The following SLC30A6 variants were observed in gnomAD, a reference collection of about 807,000 sequenced individuals.
SLC30A6 encodes solute carrier family 30 member 6.
Under a neutral mutation model 63.0 loss-of-function variants are expected in SLC30A6, and 55 were observed. The ratio of observed to expected loss-of-function variants is 0.87; its 90% CI spans 0.70 to 1.09. The LOEUF (loss-of-function observed/expected upper bound fraction) is 1.09. Ranked by LOEUF, SLC30A6 falls within the 50% of genes least tolerant of loss-of-function variation. SLC30A6 has a pLI of 0.00. For missense variants in SLC30A6, 587 were observed against 549.2 expected (o/e 1.07, Z -0.69); for synonymous variants, 224 against 186.1 (o/e 1.20, Z -1.66).
chr2:32,204,257 A>G (rs2148882097), intron 10 of SLC30A6, among the ~76,000 whole-genome samples: 2 of 152,334 alleles, frequency 1.3e-5, no homozygotes, highest in Middle Eastern at 6.8e-3. Flanking sequence ...TGTCTGTCTC[A>G]AGCAAATAAA....
At position 32,220,986 on chromosome 2, in the gene SLC30A6, G is replaced by A; in HGVS notation, c.*273G>A. The A allele has an allele frequency of 2.7e-6, 1 of 373,394 alleles. No homozygotes were observed. 23.1% of individuals were successfully genotyped at this position (373,394 alleles called of 1,614,324 possible). On this transcript the variant is annotated 3_prime_UTR_variant, in exon 14 of 14. Transcript: ENST00000282587. ...GGTATCTTTGGTTTTGTAGTTGACTGCAGTGTGATGTGACCTTACCTTTAT... is the reference window on the plus strand; with the variant it reads ...GGTATCTTTGGTTTTGTAGTTGACTACAGTGTGATGTGACCTTACCTTTAT...
At chr2:32,206,955 A>T (rs1684827200) in intron 12 of SLC30A6, 22 bp downstream of exon 12, 3 of 1,568,704 alleles carry the variant, frequency 1.9e-6, no homozygotes, top group South Asian at 1.1e-5. Flanking sequence ...TAGTAAATAA[A>T]ATCATTTTAT....
chr2:32,166,395 G>A (rs1680657990), intron 1 of SLC30A6, among the ~76,000 whole-genome samples: 1 of 152,178 alleles, frequency 6.6e-6, no homozygotes, highest in African/African-American at 2.4e-5. Flanking sequence ...CCTGATTACG[G>A]CAGCAAATTT....
At chr2:32,187,345 A>G in intron 5 of SLC30A6, 1 of 427,820 alleles carries the variant, frequency 2.3e-6, no homozygotes, top group South Asian at 1.7e-5. Context: ...TGGAAAATAA[A>G]TGCTGCCTAG....
intron 10 of SLC30A6, chr2:32,202,317 A>G: frequency 4.8e-6 from 2 of 413,226 alleles, no homozygotes; most frequent in Non-Finnish European, 9.2e-6. Flanking sequence ...CTCCAAAGAG[A>G]TCAAGAAACA....
At chr2:32,213,796 C>T (rs369373573) in intron 13 of SLC30A6, among the ~76,000 whole-genome samples, 9 of 106,766 alleles carry the variant, frequency 8.4e-5, no homozygotes, top group East Asian at 5.1e-4. Flanking sequence ...CTAGGATAAA[C>T]TTTTTTTTTT....
chr2:32,202,720 T>C, intron 10 of SLC30A6: 3 of 688,214 alleles, frequency 4.4e-6, no homozygotes, highest in East Asian at 2.6e-5. Flanking sequence ...GTTGAAGATA[T>C]TATTCATGAA....
rs536462907 is a variant in SLC30A6, at chr2:32,197,852, T to C, written c.665+26T>C. ...GTGAGTATTTTTTATTGTTGTCAAG[T>C]ATGTTTTGATTTCTGGGGACTTACT... On this transcript the variant is annotated intron_variant, in intron 10 of 13. Transcript: ENST00000282587. 10 of 1,611,432 alleles carry C rather than the reference T, an allele frequency of 6.2e-6. No individual in the cohort carries two copies. The South Asian group carries it at 9.9e-5, about 16-fold the overall frequency.
In SLC30A6 at chr2:32,220,618, C is replaced by G; in HGVS notation, c.1291C>G (p.Pro431Ala). Reference protein sequence around the residue: ...SSMLNQGLGVPGIGATQGLRT... With the variant: ...SSMLNQGLGVAGIGATQGLRT... The stretch of plus-strand genomic sequence containing the variant: ...CATGCTTAATCAAGGACTTGGAGTT[C>G]CAGGAATTGGAGCAACTCAAGGATT... The change falls in exon 14 of 14, where the codon CCA becomes GCA. Residue 431 changes from proline to alanine, a missense_variant. Transcript: ENST00000282587. 1 of 1,614,122 alleles carries G rather than the reference C, an allele frequency of 6.2e-7. No homozygotes were observed. Among genetic ancestry groups the G allele is most frequent in the Non-Finnish European group, 8.5e-7 (1 of 1,180,022 alleles).
chr2:32,194,078 G>A, intron 8 of SLC30A6, 95 bp downstream of exon 8: 1 of 984,096 alleles, frequency 1.0e-6, no homozygotes, highest in Non-Finnish European at 1.5e-6. Flanking sequence ...CAATGAAGAA[G>A]TATATTCTGA....
Position 32,201,825 on chromosome 2 carries a change from T to C in SLC30A6, c.666-2765T>C. 3 of 1,423,826 alleles carry C rather than the reference T, an allele frequency of 2.1e-6. No individual in the cohort carries two copies. The South Asian group carries it at 3.6e-5, about 17-fold the overall frequency. 88.2% of individuals were successfully genotyped at this position (1,423,826 alleles called of 1,614,324 possible). ...GTGACAGAAGGAAGTCAAGCCACCA[T>C]TATGACTCAGATGAGAAATCAGAAA... On this transcript the variant is annotated intron_variant, in intron 10 of 13. Coordinates refer to ENST00000282587, the MANE Select transcript of SLC30A6 (RefSeq NM_017964.5).
intron 1 of SLC30A6, among the ~76,000 whole-genome samples, chr2:32,166,789 C>T (rs765851550): frequency 1.5e-4 from 23 of 152,208 alleles, no homozygotes; most frequent in Non-Finnish European, 2.9e-4. Context: ...ATGCCTCATT[C>T]ACACACTTTA....
intron 3 of SLC30A6, among the ~76,000 whole-genome samples, chr2:32,174,702 T>A (rs1681573036): frequency 6.6e-6 from 1 of 151,474 alleles, no homozygotes; most frequent in Non-Finnish European, 1.5e-5. Flanking sequence ...TACAGGCACG[T>A]ACCACCACGC....
chr2:32,181,382 T>G (rs1682294086), intron 4 of SLC30A6, among the ~76,000 whole-genome samples: 2 of 152,144 alleles, frequency 1.3e-5, no homozygotes, highest in South Asian at 4.1e-4. Flanking sequence ...GATTTGAGGA[T>G]TATTAAGATG....
chr2:32,177,802 T>C (rs1459440125), intron 4 of SLC30A6, among the ~76,000 whole-genome samples: 1 of 151,802 alleles, frequency 6.6e-6, no homozygotes, highest in Non-Finnish European at 1.5e-5. Context: ...TTAGTTTTTG[T>C]ATTTTTAGTA....
intron 12 of SLC30A6, among the ~76,000 whole-genome samples, chr2:32,209,006 A>G (rs1685027134): frequency 6.6e-6 from 1 of 152,166 alleles, no homozygotes; most frequent in South Asian, 2.1e-4. Flanking sequence ...GTGCAACTGT[A>G]CCAGTGGGCT....
intron 13 of SLC30A6, among the ~76,000 whole-genome samples, chr2:32,217,881 C>T (rs1685839589): frequency 1.3e-5 from 2 of 150,412 alleles, no homozygotes; most frequent in Admixed American, 6.6e-5. Context: ...CTCTCTTTGT[C>T]ACCCAGGCTG....
Position 32,175,209 on chromosome 2 carries a change from C to T in SLC30A6, c.176-110C>T, listed in dbSNP as rs1031458937. The stretch of plus-strand genomic sequence containing the variant: ...CAATATATGAGGTTGGCCCGTGACT[C>T]AAAAGTTTTTTTGATAATGGATACC... On this transcript the variant is annotated intron_variant, in intron 3 of 13. Transcript: ENST00000282587. The T allele has an allele frequency of 1.9e-5, 19 of 1,007,128 alleles. No homozygotes were observed. The African/African-American group carries it at 2.8e-4, about 15-fold the overall frequency. 62.4% of individuals were successfully genotyped at this position (1,007,128 alleles called of 1,614,324 possible).
At chr2:32,194,645 G>A (rs1448795076) in intron 8 of SLC30A6, among the ~76,000 whole-genome samples, 1 of 152,144 alleles carries the variant, frequency 6.6e-6, no homozygotes, top group South Asian at 2.1e-4. Flanking sequence ...ACACTTTGAA[G>A]TATAGAGAAG....
Sources: allele counts gnomAD v4.1 joint callset (sites outside exome capture counted in the v4.1 genomes callset), GRCh38; gene constraint gnomAD v4.1.1; transcripts MANE v1.5; gene names NCBI Gene and HGNC (gene_info 2026-07-23, HGNC 2026-07-21).